Variants in CRAMP1 observed in about 807,000 individuals in gnomAD.
The protein encoded by CRAMP1 is protein cramped-like.
Under a neutral mutation model 115.4 loss-of-function variants are expected in CRAMP1, and 50 were observed. The ratio of observed to expected loss-of-function variants is 0.43; its 90% CI spans 0.35 to 0.55. CRAMP1 has a LOEUF of 0.55. Ranked by LOEUF, CRAMP1 falls within the 20% of genes least tolerant of loss-of-function variation. CRAMP1 has a pLI of 0.01. For synonymous variants in CRAMP1, 866 were observed against 745.4 expected, an observed-to-expected ratio of 1.16 and a Z score of -2.64; for missense variants, 1,679 against 1,721.7, an observed-to-expected ratio of 0.98 and a Z score of 0.44.
intron 4 of CRAMP1, 130 bp downstream of exon 4, chr16:1,632,495 C>T (rs2036555140): frequency 3.2e-6 from 3 of 942,454 alleles, no homozygotes; most frequent in East Asian, 2.6e-5. Context: ...GCCTGGGGCT[C>T]CTCGCCTTGC....
Position 1,614,695 on chromosome 16 carries a change from G to A in CRAMP1, c.56G>A (p.Gly19Asp), listed in dbSNP as rs926923881. The change falls in exon 2 of 21, where the codon GGC (glycine) becomes GAC (aspartate). Residue 19 changes from glycine (G) to aspartate (D), a missense_variant. Gly to Asp is a moderately conservative substitution (Grantham distance 94). This residue lies in a region of CRAMP1 where 264 missense variants were observed against 229.7 expected (regional missense o/e 1.15). Transcript: ENST00000397412. The surrounding 1 kb of genome is among the most constrained non-coding windows in gnomAD (Gnocchi z 4.4). ...GSGEDGLKKLGKRAADEESLE... is the reference protein window; with the variant it reads ...GSGEDGLKKLDKRAADEESLE... Reference sequence around the variant, plus strand: ...GGGGAGGACGGGCTCAAGAAGCTGGGCAAGCGGGCGGCCGATGAGGAGTCC... The same window carrying A: ...GGGGAGGACGGGCTCAAGAAGCTGGACAAGCGGGCGGCCGATGAGGAGTCC... The A allele has an allele frequency of 5.2e-6, 7 of 1,334,262 alleles. No homozygotes were observed. Among genetic ancestry groups the A allele is most frequent in the Admixed American group, 6.4e-5 (2 of 31,058 alleles). 82.7% of individuals were successfully genotyped at this position (1,334,262 alleles called of 1,614,324 possible).
In CRAMP1 at chr16:1,630,423, A is replaced by G. The variant is rs142865616; in HGVS notation, c.541-1789A>G. 9.8e-4 allele frequency among the ~76,000 whole-genome samples: 149 copies of G among 152,320 alleles called. 1 individual carries two copies. Among genetic ancestry groups the G allele is most frequent in the Middle Eastern group, 3.4e-3 (1 of 294 alleles). On this transcript the variant is annotated intron_variant, in intron 3 of 20. Coordinates refer to ENST00000397412, the MANE Select transcript of CRAMP1 (RefSeq NM_020825.4). ...CACCTCAGCCTCCTAAAGTGCTGGG[A>G]TTACAGGCACGAGCCACCACCTGGC... is the stretch of plus-strand genomic sequence containing the variant.
Position 1,614,898 on chromosome 16 carries a change from G to A in CRAMP1, c.259G>A (p.Val87Met). The change falls in exon 2 of 21, where the codon GTG (valine) becomes ATG (methionine). Residue 87 changes from valine to methionine, a missense_variant. Coordinates refer to ENST00000397412, the MANE Select transcript of CRAMP1 (RefSeq NM_020825.4). The surrounding 1 kb of genome is among the most constrained non-coding windows in gnomAD (Gnocchi z 4.4). ...CCAGCACCACTTCCTCCGGTCCAGC[G>A]TGCGGCCGCAGAGCAAGAGGCCCAG... ...QDQHHFLRSS[V>M]RPQSKRPRKD... The A allele has an allele frequency of 7.5e-7, 1 of 1,326,682 alleles. No homozygotes were observed. Among genetic ancestry groups the A allele is most frequent in the Non-Finnish European group, 9.6e-7 (1 of 1,037,114 alleles). The allele number at this position is 1,326,682 out of a possible 1,614,324, so 82.2% of individuals were successfully genotyped here.
At position 1,656,515 on chromosome 16, in the gene CRAMP1, C is replaced by T. The variant is rs563031777; in HGVS notation, c.1758C>T (p.Ser586=). ...QCRCADTRPG[S]EQPPLGGAAS... Reference sequence around the variant, plus strand: ...GCTGTGCGGACACACGGCCTGGGAGCGAGCAGCCCCCTCTGGGCGGGGCGG... The same window carrying T: ...GCTGTGCGGACACACGGCCTGGGAGTGAGCAGCCCCCTCTGGGCGGGGCGG... Residue 586 remains serine, a synonymous_variant, in exon 10 of 21, where the codon AGC becomes AGT. Transcript: ENST00000397412. This position sits in a 1 kb window ranked among gnomAD's most constrained non-coding sequence, Gnocchi z 5.6. The T allele has an allele frequency of 1.5e-5, 23 of 1,563,742 alleles. No homozygotes were observed. In the East Asian group the frequency reaches 2.4e-4, roughly 16 times the overall value.
rs140011502 is a variant in CRAMP1, at chr16:1,636,972, G to A, written c.695-852G>A. Among the ~76,000 whole-genome samples the A allele has an allele frequency of 2.6e-3, 389 of 152,298 alleles. 1 individual carries two copies. The highest frequency in any genetic ancestry group is 8.9e-3 in the African/African-American group (370 of 41,570). On this transcript the variant is annotated intron_variant, in intron 4 of 20. Transcript: ENST00000397412. ...GGTGTAGCCATGACCAGCTGTCCAT[G>A]TCTCAGCCTGTTTGCCTCCCAAATA... is the stretch of plus-strand genomic sequence containing the variant.
At chr16:1,663,113 A>G (rs1246383379) in intron 13 of CRAMP1, among the ~76,000 whole-genome samples, 1 of 152,236 alleles carries the variant, frequency 6.6e-6, no homozygotes, top group Non-Finnish European at 1.5e-5. Context: ...GTATTTATGG[A>G]ATCTCAACAC....
chr16:1,630,326 G>A (rs917005778), intron 3 of CRAMP1, among the ~76,000 whole-genome samples: 1 of 151,784 alleles, frequency 6.6e-6, no homozygotes, highest in Non-Finnish European at 1.5e-5. Context: ...TAATTTTTAA[G>A]TTTTTTGTGG....
chr16:1,649,106 G>A (rs922792037), intron 6 of CRAMP1, among the ~76,000 whole-genome samples: 5 of 152,042 alleles, frequency 3.3e-5, no homozygotes, highest in African/African-American at 1.2e-4. Flanking sequence ...TGTTCTCTGG[G>A]GACTCATCCT....
intron 19 of CRAMP1, 85 bp from the exon 20 acceptor site, chr16:1,670,579 C>G: frequency 6.8e-7 from 1 of 1,474,398 alleles, no homozygotes. Flanking sequence ...CTTGGGCTGG[C>G]TGCCCCCAGC....
At chr16:1,617,426 AG>A (rs1555498580) in intron 2 of CRAMP1, among the ~76,000 whole-genome samples, 1 of 152,252 alleles carries the variant, frequency 6.6e-6, no homozygotes, top group Non-Finnish European at 1.5e-5. Flanking sequence ...GCCCCGCAAC[AG>A]TCTTTAGCTC....
intron 2 of CRAMP1, among the ~76,000 whole-genome samples, chr16:1,616,534 G>C (rs114135211): frequency 0.016 from 2,485 of 152,298 alleles, 71 homozygotes; most frequent in African/African-American, 0.056. Flanking sequence ...TATAAGTGAA[G>C]TGCTGCTGAG....
intron 10 of CRAMP1, among the ~76,000 whole-genome samples, chr16:1,659,513 G>A (rs1365453624): frequency 6.6e-6 from 1 of 151,962 alleles, no homozygotes; most frequent in Non-Finnish European, 1.5e-5. Context: ...TCAGCCTCCA[G>A]AGTAGCTGAG....
At chr16:1,645,967 G>A (rs1416010980) in intron 6 of CRAMP1, among the ~76,000 whole-genome samples, 1 of 151,676 alleles carries the variant, frequency 6.6e-6, no homozygotes, top group African/African-American at 2.4e-5. Flanking sequence ...CACCCTTTGC[G>A]CCACTCTCCG....
intron 18 of CRAMP1, 116 bp from the exon 19 acceptor site, chr16:1,668,885 G>A: frequency 1.1e-6 from 1 of 935,176 alleles, no homozygotes. Context: ...CATCCATCTG[G>A]TTCAGCAGGG....
chr16:1,625,795 G>A, intron 2 of CRAMP1, 178 bp from the exon 3 acceptor site: 4 of 563,760 alleles, frequency 7.1e-6, no homozygotes, highest in South Asian at 6.8e-5. Context: ...AAAGATCCTG[G>A]CAGTCCTAAG....
chr16:1,647,393 A>G (rs1415628124), intron 6 of CRAMP1, among the ~76,000 whole-genome samples: 1 of 152,098 alleles, frequency 6.6e-6, no homozygotes, highest in Non-Finnish European at 1.5e-5. Flanking sequence ...TAGAGGGATT[A>G]CTCTGTTTTC....
chr16:1,659,864 G>T, intron 10 of CRAMP1, 22 bp from the exon 11 acceptor site: 1 of 1,612,012 alleles, frequency 6.2e-7, no homozygotes. Context: ...TTTGGACATT[G>T]TTTGGCCCAT....
chr16:1,638,653 G>A (rs1006713155), intron 5 of CRAMP1, among the ~76,000 whole-genome samples: 1 of 152,218 alleles, frequency 6.6e-6, no homozygotes, highest in Non-Finnish European at 1.5e-5. Context: ...TGCCTGGGCT[G>A]TCCAGTGGGC....
In CRAMP1 at chr16:1,626,263, G is replaced by T. The variant is rs918200046; in HGVS notation, c.540+97G>T. 9.9e-6 allele frequency: 12 copies of T among 1,211,628 alleles called. No homozygotes were observed. The South Asian group carries it at 2.0e-4, about 20-fold the overall frequency. The allele number at this position is 1,211,628 out of a possible 1,614,324, so 75.1% of individuals were successfully genotyped here. ...GCTTCCTCTTTGCTGTTAGATTCTA[G>T]AACGCAGATTCCTGGGCGACCCCCG... On this transcript the variant is annotated intron_variant, in intron 3 of 20. Coordinates refer to ENST00000397412, the MANE Select transcript of CRAMP1 (RefSeq NM_020825.4).
Sources: gnomAD v4.1 joint callset for allele counts (sites outside exome capture counted in the v4.1 genomes callset) on GRCh38, gnomAD v4.1.1 for gene constraint, gnomAD v4.1.1 regional missense constraint, Gnocchi (gnomAD v3.1) non-coding constraint, MANE v1.5 for transcripts, NCBI Gene and HGNC (gene_info 2026-07-23, HGNC 2026-07-21) for gene names.